BMPR2: variants seen among roughly 807,000 people sequenced by gnomAD.
BMPR2 encodes bone morphogenetic protein receptor type-2.
A neutral mutation model predicts 100.8 loss-of-function variants in BMPR2; 29 were observed. The observed-to-expected ratio is 0.29, with a 90% CI of 0.21 to 0.39. BMPR2 has a LOEUF of 0.39. Ranked by LOEUF, BMPR2 falls within the 10% of genes least tolerant of loss-of-function variation. BMPR2 has a pLI of 1.00. For synonymous variants in BMPR2, 382 were observed against 442.3 expected (o/e 0.86, Z 1.71); for missense variants, 1,011 against 1,274.5 (o/e 0.79, Z 3.15).
intron 1 of BMPR2, among the ~76,000 whole-genome samples, chr2:202,413,967 T>C (rs1691070462): frequency 6.6e-6 from 1 of 152,312 alleles, no homozygotes; most frequent in African/African-American, 2.4e-5. Flanking sequence ...CCCAACCTTA[T>C]ATTATTAATA....
In BMPR2 at chr2:202,518,891, G is replaced by T; in HGVS notation, c.691G>T (p.Val231Leu). 3.7e-6 allele frequency: 6 copies of T among 1,614,220 alleles called. No individual in the cohort carries two copies. Among genetic ancestry groups the T allele is most frequent in the Non-Finnish European group, 5.1e-6 (6 of 1,180,046 alleles). Residue 231 changes from valine (V) to leucine (L), a missense_variant, in exon 6 of 13, where the codon GTG becomes TTG. Val to Leu is a conservative substitution (Grantham distance 32, BLOSUM62 1). Around this residue, in one of 6 missense-constraint regions of BMPR2, gnomAD observed 355 missense variants for 455.3 expected, o/e 0.78. Coordinates refer to ENST00000374580, the MANE Select transcript of BMPR2 (RefSeq NM_001204.7). ...SLDERPVAVK[V>L]FSFANRQNFI... ...GGATGAGCGTCCAGTTGCTGTAAAA[G>T]TGTTTTCCTTTGCAAACCGTCAGAA...
intron 3 of BMPR2, among the ~76,000 whole-genome samples, chr2:202,513,493 C>T (rs1469276098): frequency 1.3e-5 from 2 of 152,128 alleles, no homozygotes; most frequent in East Asian, 3.8e-4. Flanking sequence ...AGCACATCTA[C>T]TTGGTGTTTT....
intron 3 of BMPR2, among the ~76,000 whole-genome samples, chr2:202,481,804 C>T (rs758836129): frequency 2.0e-5 from 3 of 152,072 alleles, no homozygotes; most frequent in Non-Finnish European, 2.9e-5. Context: ...AGTGTATGTA[C>T]GTTACAATAA....
chr2:202,437,127 T>C (rs1691629331), intron 1 of BMPR2, among the ~76,000 whole-genome samples: 1 of 150,406 alleles, frequency 6.6e-6, no homozygotes, highest in African/African-American at 2.5e-5. Flanking sequence ...TGCCTCAGCC[T>C]CCAGAGTAGC....
At chr2:202,526,949 C>T (rs1259976100) in intron 7 of BMPR2, among the ~76,000 whole-genome samples, 4 of 152,032 alleles carry the variant, frequency 2.6e-5, no homozygotes, top group African/African-American at 4.8e-5. Context: ...CTGCAACCTC[C>T]GCCTCCTGGA....
At chr2:202,448,477 A>T (rs866894424) in intron 1 of BMPR2, among the ~76,000 whole-genome samples, 18 of 149,934 alleles carry the variant, frequency 1.2e-4, no homozygotes, top group African/African-American at 3.5e-4. Flanking sequence ...AAATAAAAAA[A>T]AAAAAGTGTT....
chr2:202,551,587 T>C, intron 10 of BMPR2, among the ~76,000 whole-genome samples: 1 of 152,216 alleles, frequency 6.6e-6, no homozygotes, highest in East Asian at 1.9e-4. Context: ...GGGAGACTAT[T>C]GTTCATTGCT....
intron 1 of BMPR2, among the ~76,000 whole-genome samples, chr2:202,436,914 C>T (rs1219208085): frequency 6.6e-6 from 1 of 150,652 alleles, no homozygotes; most frequent in Non-Finnish European, 1.5e-5. Context: ...GTGTTCCTCT[C>T]ATATCTCTTT....
chr2:202,420,151 A>G (rs1435393224), intron 1 of BMPR2, among the ~76,000 whole-genome samples: 1 of 152,050 alleles, frequency 6.6e-6, no homozygotes, highest in African/African-American at 2.4e-5. Context: ...TATGTTGCTT[A>G]TTGCTTATAA....
chr2:202,415,914 C>CT (rs1418957546), intron 1 of BMPR2, among the ~76,000 whole-genome samples: 2 of 152,184 alleles, frequency 1.3e-5, no homozygotes, highest in Non-Finnish European at 2.9e-5. Context: ...GTAATTTTAA[C>CT]TTTAAAATCT....
intron 1 of BMPR2, among the ~76,000 whole-genome samples, chr2:202,384,781 C>A: frequency 6.6e-6 from 1 of 151,728 alleles, no homozygotes; most frequent in East Asian, 1.9e-4. Flanking sequence ...GTAGTAGAGA[C>A]GGGGTTTCTC....
At chr2:202,519,873 TA>T (rs1257976094) in intron 6 of BMPR2, among the ~76,000 whole-genome samples, 2 of 152,206 alleles carry the variant, frequency 1.3e-5, no homozygotes, top group African/African-American at 4.8e-5. Context: ...TAAAAATTTA[TA>T]ATGTTTAAAT....
chr2:202,420,974 C>G (rs13027711), intron 1 of BMPR2, among the ~76,000 whole-genome samples: 18,584 of 151,776 alleles, frequency 0.12, 1,208 homozygotes, highest in Admixed American at 0.14. Flanking sequence ...TTGAGGCCAG[C>G]CATGGTGGCT....
rs1397223572 is a variant in BMPR2 at position 202,565,134 on chromosome 2, A to C, written c.*5188A>C. 2 of 152,126 alleles carry C rather than the reference A, an allele frequency of 1.3e-5. No homozygotes were observed. The highest frequency in any genetic ancestry group is 4.8e-5 in the African/African-American group (2 of 41,428). The allele number at this position is 152,126 out of a possible 1,614,324, so 9.4% of individuals were successfully genotyped here. A position where few individuals can be genotyped will look rare whatever the true frequency, so the allele number is the denominator to read the frequency against. On this transcript the variant is annotated 3_prime_UTR_variant, in exon 13 of 13. Transcript: ENST00000374580. ...TCTGATTTGTAGTCTGTGTCAGGAA[A>C]GTTTTCTTCATATCTATTCTGTCTC...
chr2:202,474,915 T>A (rs1286127492), intron 3 of BMPR2: 2 of 152,176 alleles, frequency 1.3e-5, no homozygotes, highest in Non-Finnish European at 2.9e-5. Context: ...ACCAATAACC[T>A]GCTTGTTTAT....
At position 202,504,811 on chromosome 2, in the gene BMPR2, C is replaced by T. The variant is rs368731702; in HGVS notation, c.419-8908C>T. Among the ~76,000 whole-genome samples the T allele has an allele frequency of 4.0e-5, 6 of 151,632 alleles. No individual in the cohort carries two copies. In the South Asian group the frequency reaches 1.0e-3, roughly 26 times the overall value. ...TCTCCTGCCTCAGCCTCCCGAGTAG[C>T]TGGGATTACAGGTGCCTGCCCCCGT... On this transcript the variant is annotated intron_variant, in intron 3 of 12. Transcript: ENST00000374580.
Position 202,464,831 on chromosome 2 carries a change from A to G in BMPR2, c.99A>G (p.Leu33=), listed in dbSNP as rs1692287009. The G allele has an allele frequency of 2.5e-6, 4 of 1,613,718 alleles. No individual in the cohort carries two copies. Among genetic ancestry groups the G allele is most frequent in the Non-Finnish European group, 3.4e-6 (4 of 1,179,828 alleles). Residue 33 remains leucine (L), a synonymous_variant, in exon 2 of 13, where the codon CTA becomes CTG. Coordinates refer to ENST00000374580, the MANE Select transcript of BMPR2 (RefSeq NM_001204.7). ...TAGCTTCGCAGAATCAAGAACGGCT[A>G]TGTGCGTTTAAAGATCCGTATCAGC... The part of the protein sequence containing the change: ...TAAASQNQER[L]CAFKDPYQQD...
chr2:202,477,472 C>G (rs1160390325), intron 3 of BMPR2, among the ~76,000 whole-genome samples: 3 of 151,882 alleles, frequency 2.0e-5, no homozygotes, highest in Admixed American at 2.0e-4. Flanking sequence ...ATACTATTTC[C>G]TGCATCTTTC....
intron 10 of BMPR2, among the ~76,000 whole-genome samples, chr2:202,542,804 A>G (rs79181154): frequency 6.6e-6 from 1 of 152,200 alleles, no homozygotes; most frequent in Non-Finnish European, 1.5e-5. Context: ...GTGCAGGCTT[A>G]CATAACCAAT....
Sources: gnomAD v4.1 joint callset for allele counts (sites outside exome capture counted in the v4.1 genomes callset) on GRCh38, gnomAD v4.1.1 for gene constraint, gnomAD v4.1.1 regional missense constraint, MANE v1.5 for transcripts, NCBI Gene and HGNC (gene_info 2026-07-23, HGNC 2026-07-21) for gene names.